Variants in OR10A3 observed in about 807,000 individuals in gnomAD.
OR10A3 encodes the protein olfactory receptor family 10 subfamily A member 3.
OR10A3 carries 1 observed loss-of-function variant against 1.5 expected under a neutral mutation model. That is an observed-to-expected ratio of 0.66 (90% CI 0.23 to 3.11). OR10A3 has a LOEUF of 3.11. OR10A3 is among the 30% of genes most tolerant of loss of function. OR10A3 has a pLI of 0.21. For missense variants in OR10A3, 398 were observed against 369.7 expected, an observed-to-expected ratio of 1.08 and a Z score of -0.63; for synonymous variants, 145 against 143.7, an observed-to-expected ratio of 1.01 and a Z score of -0.06.
rs1232855785 is a variant in OR10A3, at chr11:7,938,378, T to C, written c.*198A>G. The C allele has an allele frequency of 1.9e-6, 1 of 517,588 alleles. No individual in the cohort carries two copies. Among genetic ancestry groups the C allele is most frequent in the African/African-American group, 1.9e-5 (1 of 51,614 alleles). 32.1% of individuals were successfully genotyped at this position (517,588 alleles called of 1,614,324 possible). A position where few individuals can be genotyped will look rare whatever the true frequency, so the allele number is the denominator to read the frequency against. The stretch of plus-strand genomic sequence containing the variant: ...ATAATAGAGAAATGGATGAATAAAC[T>C]GTTGTGTCATGTTATGAGAACATAT... On this transcript the variant is annotated 3_prime_UTR_variant, in exon 2 of 2. Transcript: ENST00000642047.
Position 7,939,539 on chromosome 11 carries a change from T to C in OR10A3, c.-19A>G, listed in dbSNP as rs775652698. On this transcript the variant is annotated 5_prime_UTR_variant, in exon 2 of 2. In the 5' UTR this introduces an upstream ATG that the reference lacks. Coordinates refer to ENST00000642047, the MANE Select transcript of OR10A3 (RefSeq NM_001003745.2). ...TTTTCATTTCAGTAGTTGAAACTTATATTGTTTTTATGGACCTGGTATATC... is the reference window on the plus strand; with the variant it reads ...TTTTCATTTCAGTAGTTGAAACTTACATTGTTTTTATGGACCTGGTATATC... 22 of 1,518,106 alleles carry C rather than the reference T, an allele frequency of 1.4e-5. No individual in the cohort carries two copies. Among genetic ancestry groups the C allele is most frequent in the East Asian group, 2.3e-5 (1 of 44,382 alleles). The allele number at this position is 1,518,106 out of a possible 1,614,324, so 94.0% of individuals were successfully genotyped here.
Position 7,938,196 on chromosome 11 carries a change from C to T in OR10A3, c.*380G>A, listed in dbSNP as rs1463051264. ...GCGCATGCCTGTAATCCCAACTACT[C>T]GGGAGGCTGAGGCAGGAGAATTGCT... is the stretch of plus-strand genomic sequence containing the variant. On this transcript the variant is annotated 3_prime_UTR_variant, in exon 2 of 2. Coordinates refer to ENST00000642047, the MANE Select transcript of OR10A3 (RefSeq NM_001003745.2). The T allele has an allele frequency of 5.9e-6, 1 of 168,574 alleles. No individual in the cohort carries two copies. Among genetic ancestry groups the T allele is most frequent in the Non-Finnish European group, 1.3e-5 (1 of 79,162 alleles). The allele number at this position is 168,574 out of a possible 1,614,324, so 10.4% of individuals were successfully genotyped here.
At position 7,939,034 on chromosome 11, in the gene OR10A3, C is replaced by T. The variant is rs140898738; in HGVS notation, c.487G>A (p.Val163Ile). 58 of 1,613,938 alleles carry T rather than the reference C, an allele frequency of 3.6e-5. No homozygotes were observed. The African/African-American group carries it at 4.1e-4, about 12-fold the overall frequency. ...GGGCCACAAAATGGAAAACTAAATA[C>T]CCAAGTGGTCTGCACAGTAGCCACC... is the stretch of plus-strand genomic sequence containing the variant. The part of the protein sequence containing the change: ...IMVATVQTTW[V>I]FSFPFCGPNE... The change falls in exon 2 of 2, where the codon GTA becomes ATA. Residue 163 changes from valine to isoleucine, a missense_variant. By Grantham distance (29) the Val-to-Ile change is conservative. Coordinates refer to ENST00000642047, the MANE Select transcript of OR10A3 (RefSeq NM_001003745.2).
rs1243039272 is a variant in OR10A3, at chr11:7,941,408, A to G, written c.-179+179T>C. On this transcript the variant is annotated intron_variant, in intron 1 of 1. Coordinates refer to ENST00000642047, the MANE Select transcript of OR10A3 (RefSeq NM_001003745.2). ...CTTTCTGTATAATCTTGGGCAAATA[A>G]CTCCCTCATCAGGGTTTCATCTTTC... 7.2e-5 allele frequency among the ~76,000 whole-genome samples: 11 copies of G among 152,182 alleles called. No individual in the cohort carries two copies. The East Asian group carries it at 2.1e-3, about 29-fold the overall frequency.
chr11:7,940,107 T>A (rs907422965), intron 1 of OR10A3, among the ~76,000 whole-genome samples: 18 of 152,132 alleles, frequency 1.2e-4, no homozygotes, highest in African/African-American at 4.1e-4. Context: ...GACATAGGTG[T>A]TTCTCTAATT....
At chr11:7,940,118 T>G (rs1170885843) in intron 1 of OR10A3, among the ~76,000 whole-genome samples, 1 of 152,144 alleles carries the variant, frequency 6.6e-6, no homozygotes, top group Non-Finnish European at 1.5e-5. Flanking sequence ...TTCTCTAATT[T>G]GTTGATAGAA....
chr11:7,938,863 G>A lies in OR10A3; in HGVS notation c.658C>T (p.Arg220Ter), dbSNP rs755183589. Residue 220 changes from arginine to a stop codon, truncating the protein, a stop_gained, in exon 2 of 2, where the codon CGA becomes TGA. Transcript: ENST00000642047. LOFTEE classifies it high-confidence loss of function. ...ATCTTCAGGATGGCAAACAGAACTC[G>A]AATGTAAGACAAGAGGATCAACAAG... ...PFLLILLSYI[R>*]VLFAILKMPS... The A allele has an allele frequency of 1.2e-5, 19 of 1,614,024 alleles. No individual in the cohort carries two copies. Among genetic ancestry groups the A allele is most frequent in the East Asian group, 6.7e-5 (3 of 44,888 alleles).
Position 7,939,352 on chromosome 11 carries a change from C to A in OR10A3, c.169G>T (p.Val57Phe). ...TTCAGGAGGAACAGGTACATGGGAA[C>A]GTGGAGGCTCTGGTTTAAGGAGATG... ...VIISLNQSLH[V>F]PMYLFLLNLS... Residue 57 changes from valine (V) to phenylalanine (F), a missense_variant, in exon 2 of 2, where the codon GTT (valine) becomes TTT (phenylalanine). Physicochemically the swap from Val to Phe is conservative, Grantham distance 50 (BLOSUM62 -1). Coordinates refer to ENST00000642047, the MANE Select transcript of OR10A3 (RefSeq NM_001003745.2). The A allele has an allele frequency of 5.0e-6, 8 of 1,614,082 alleles. No homozygotes were observed. Among genetic ancestry groups the A allele is most frequent in the Non-Finnish European group, 6.8e-6 (8 of 1,180,000 alleles).
At chr11:7,939,895 C>A (rs888839683) in intron 1 of OR10A3, among the ~76,000 whole-genome samples, 197 bp from the exon 2 acceptor site, 1 of 152,156 alleles carries the variant, frequency 6.6e-6, no homozygotes, top group Non-Finnish European at 1.5e-5. Flanking sequence ...AAGGCAGGAG[C>A]CTATACCTCT....
rs778494724 is a variant in OR10A3 at position 7,938,884 on chromosome 11, A to G, written c.637T>C (p.Leu213=). 4 of 1,614,240 alleles carry G rather than the reference A, an allele frequency of 2.5e-6. No individual in the cohort carries two copies. The highest frequency in any genetic ancestry group is 1.7e-6 in the Non-Finnish European group (2 of 1,180,030). Residue 213 remains leucine (L), a synonymous_variant, in exon 2 of 2, where the codon TTG becomes CTG. Transcript: ENST00000642047. ...TILIVMVPFL[L]ILLSYIRVLF... is the part of the protein sequence containing the mutation. ...ACTCGAATGTAAGACAAGAGGATCA[A>G]CAAGAAAGGAACCATAACAATCAAA...
intron 1 of OR10A3, among the ~76,000 whole-genome samples, chr11:7,940,097 G>A (rs142052778): frequency 1.7e-3 from 264 of 152,306 alleles, no homozygotes; most frequent in Non-Finnish European, 3.0e-3. Context: ...TTCTGGCTCT[G>A]ACATAGGTGT....
In OR10A3 at chr11:7,939,015, C is replaced by G; in HGVS notation, c.506G>C (p.Cys169Ser). 2 of 1,614,122 alleles carry G rather than the reference C, an allele frequency of 1.2e-6. No homozygotes were observed. The highest frequency in any genetic ancestry group is 1.7e-6 in the Non-Finnish European group (2 of 1,180,020). ...GAGATGATTAATTTCATTGGGGCCACAAAATGGAAAACTAAATACCCAAGT... is the reference window on the plus strand; with the variant it reads ...GAGATGATTAATTTCATTGGGGCCAGAAAATGGAAAACTAAATACCCAAGT... The part of the protein sequence containing the change: ...QTTWVFSFPF[C>S]GPNEINHLFC... The change falls in exon 2 of 2, where the codon TGT becomes TCT. Residue 169 changes from cysteine (C) to serine (S), a missense_variant. By Grantham distance (112) the Cys-to-Ser change is moderately radical. Transcript: ENST00000642047.
In OR10A3 at chr11:7,937,793, G is replaced by A. The variant is rs1196207146; in HGVS notation, c.*783C>T. 1 of 152,078 alleles carries A rather than the reference G, an allele frequency of 6.6e-6. No individual in the cohort carries two copies. Among genetic ancestry groups the A allele is most frequent in the Admixed American group, 6.6e-5 (1 of 15,260 alleles). 9.4% of individuals were successfully genotyped at this position (152,078 alleles called of 1,614,324 possible). On this transcript the variant is annotated 3_prime_UTR_variant, in exon 2 of 2. Coordinates refer to ENST00000642047, the MANE Select transcript of OR10A3 (RefSeq NM_001003745.2). ...TCATCACCTTATTTGTTGGTCTCTT[G>A]AAGCTCTACCCTGTTACCAAAGCAC...
Position 7,940,924 on chromosome 11 carries a change from G to T in OR10A3, c.-179+663C>A, listed in dbSNP as rs1283846242. Among the ~76,000 whole-genome samples, 3 of 152,226 alleles carry T rather than the reference G, an allele frequency of 2.0e-5. No homozygotes were observed. In the East Asian group the frequency reaches 5.8e-4, roughly 29 times the overall value. On this transcript the variant is annotated intron_variant, in intron 1 of 1. Transcript: ENST00000642047. ...GTGGGACAAGAGGAAGCCAGGAGGA[G>T]AGGACACAGCAAGCTGAAGACATCT...
rs1941444606 is a variant in OR10A3 at position 7,941,657 on chromosome 11, CCAA to C, written c.-252_-250del. The C allele has an allele frequency of 6.6e-6, 1 of 152,172 alleles. No individual in the cohort carries two copies. Among genetic ancestry groups the C allele is most frequent in the Non-Finnish European group, 1.5e-5 (1 of 68,036 alleles). The allele number at this position is 152,172 out of a possible 1,614,324, so 9.4% of individuals were successfully genotyped here. A position where few individuals can be genotyped will look rare whatever the true frequency, so the allele number is the denominator to read the frequency against. On this transcript the variant is annotated 5_prime_UTR_variant, in exon 1 of 2. Coordinates refer to ENST00000642047, the MANE Select transcript of OR10A3 (RefSeq NM_001003745.2). Reference sequence around the variant, plus strand: ...AGGATAACTACAGAAGGCAAACCCACCAACAAGTACCAAAGCAGAATCTTCAGA... The same window carrying C: ...AGGATAACTACAGAAGGCAAACCCACCAAGTACCAAAGCAGAATCTTCAGA...
intron 1 of OR10A3, 141 bp downstream of exon 1, chr11:7,941,446 C>T (rs1439820227): frequency 1.3e-5 from 2 of 152,264 alleles, no homozygotes; most frequent in East Asian, 3.9e-4. Flanking sequence ...ACCAATTGGA[C>T]TTATTTCTGA....
intron 1 of OR10A3, among the ~76,000 whole-genome samples, chr11:7,940,564 A>T (rs1941428363): frequency 6.6e-6 from 1 of 152,004 alleles, no homozygotes. Flanking sequence ...AATTTCTGAC[A>T]AAATAATATC....
chr11:7,938,470 A>G lies in OR10A3; in HGVS notation c.*106T>C. ...ACGTTTTCCAATAAAAAAACTCAAC[A>G]AACTTACATAGTCATACAAAAAATG... On this transcript the variant is annotated 3_prime_UTR_variant, in exon 2 of 2. Coordinates refer to ENST00000642047, the MANE Select transcript of OR10A3 (RefSeq NM_001003745.2). 5 of 871,292 alleles carry G rather than the reference A, an allele frequency of 5.7e-6. No homozygotes were observed. The highest frequency in any genetic ancestry group is 8.7e-6 in the Non-Finnish European group (5 of 577,570). 54.0% of individuals were successfully genotyped at this position (871,292 alleles called of 1,614,324 possible). A position where few individuals can be genotyped will look rare whatever the true frequency, so the allele number is the denominator to read the frequency against.
chr11:7,939,626 A>G lies in OR10A3; in HGVS notation c.-106T>C, dbSNP rs572230527. On this transcript the variant is annotated 5_prime_UTR_variant, in exon 2 of 2. Coordinates refer to ENST00000642047, the MANE Select transcript of OR10A3 (RefSeq NM_001003745.2). ...GTCTGGAATTCTTGACAGCAGATGT[A>G]ATGACAAGCTCATTTTGACAGAACT... The G allele has an allele frequency of 3.7e-6, 3 of 815,376 alleles. No individual in the cohort carries two copies. The highest frequency in any genetic ancestry group is 5.5e-5 in the East Asian group (2 of 36,616). 50.5% of individuals were successfully genotyped at this position (815,376 alleles called of 1,614,324 possible).
Sources: allele counts gnomAD v4.1 joint callset (sites outside exome capture counted in the v4.1 genomes callset), GRCh38; gene constraint gnomAD v4.1.1; transcripts MANE v1.5; gene names NCBI Gene and HGNC (gene_info 2026-07-23, HGNC 2026-07-21).